FGF14: variants seen among roughly 807,000 people sequenced by gnomAD.
FGF14 encodes the protein fibroblast growth factor homologous factor 4.
Under a neutral mutation model 25.5 loss-of-function variants are expected in FGF14, and 5 were observed. That is an observed-to-expected ratio of 0.20 (90% CI 0.10 to 0.41). FGF14 has a LOEUF of 0.41. Ranked by LOEUF, FGF14 falls within the 10% of genes least tolerant of loss-of-function variation. The probability of loss-of-function intolerance (pLI) is 1.00; values close to 1 mark genes in which losing one functional copy is unlikely to be tolerated. For synonymous variants in FGF14, 138 were observed against 118.3 expected (o/e 1.17, Z -1.08); for missense variants, 222 against 320.1 (o/e 0.69, Z 2.34).
intron 1 of FGF14, among the ~76,000 whole-genome samples, chr13:102,042,407 C>A (rs2041786063): frequency 6.6e-6 from 1 of 152,192 alleles, no homozygotes; most frequent in South Asian, 2.1e-4. Flanking sequence ...CATTGTTCCT[C>A]AGTGACCTTG....
chr13:102,312,961 G>C (rs1482448448), intron 1 of FGF14, among the ~76,000 whole-genome samples: 1 of 152,166 alleles, frequency 6.6e-6, no homozygotes, highest in African/African-American at 2.4e-5. Context: ...GGGGTAGAGA[G>C]GAGACACAAC....
At chr13:102,161,684 A>G (rs1167760311) in intron 1 of FGF14, among the ~76,000 whole-genome samples, 14 of 102,972 alleles carry the variant, frequency 1.4e-4, no homozygotes, top group African/African-American at 2.8e-4. Context: ...AAGAAGAAGA[A>G]GAAGAAGAAG....
chr13:102,122,200 G>T (rs1265079242), intron 1 of FGF14, among the ~76,000 whole-genome samples: 1 of 152,114 alleles, frequency 6.6e-6, no homozygotes, highest in Non-Finnish European at 1.5e-5. Flanking sequence ...ATTCATTCAG[G>T]AATTTGCTAA....
rs999934506 is a variant in FGF14, at chr13:101,820,540, A to G, written c.408+48185T>C. ...TAAGAAGGAAAGTTAATTTGAATTA[A>G]AGCAATATCATGTTTCTCATATAAA... On this transcript the variant is annotated intron_variant, in intron 3 of 4. Coordinates refer to ENST00000376143, the MANE Select transcript of FGF14 (RefSeq NM_004115.4). Among the ~76,000 whole-genome samples, 37 of 136,760 alleles carry G rather than the reference A, an allele frequency of 2.7e-4. 1 individual carries two copies. Among genetic ancestry groups the G allele is most frequent in the African/African-American group, 9.1e-4 (36 of 39,508 alleles). 89.7% of individuals were successfully genotyped at this position (136,760 alleles called of 152,430 possible). A position where few individuals can be genotyped will look rare whatever the true frequency, so the allele number is the denominator to read the frequency against.
At chr13:102,026,112 C>A (rs553567357) in intron 1 of FGF14, among the ~76,000 whole-genome samples, 61 of 151,954 alleles carry the variant, frequency 4.0e-4, no homozygotes, top group African/African-American at 1.4e-3. Context: ...TATTGAAGTT[C>A]TCTTCTGTTC....
chr13:102,263,216 G>A (rs1353626146), intron 1 of FGF14: 12 of 524,740 alleles, frequency 2.3e-5, no homozygotes, highest in East Asian at 1.5e-4. Flanking sequence ...GGCGAGAAGC[G>A]CAGTCAAGCA....
intron 1 of FGF14, among the ~76,000 whole-genome samples, chr13:101,906,197 C>A (rs922133827): frequency 2.0e-5 from 3 of 152,122 alleles, no homozygotes; most frequent in Non-Finnish European, 4.4e-5. Context: ...CAAGTTTGGC[C>A]TCAGCATGAA....
chr13:101,946,363 C>CAAAAAAAAAAAAAAAAAA (rs59866034), intron 1 of FGF14, among the ~76,000 whole-genome samples: 5 of 91,950 alleles, frequency 5.4e-5, no homozygotes, highest in African/African-American at 1.8e-4. Flanking sequence ...GCTTCTCCAT[C>CAAAAAAAAAAAAAAAAAA]AAAAAAAAAA....
chr13:102,027,403 A>G (rs1355367483), intron 1 of FGF14, among the ~76,000 whole-genome samples: 1 of 151,908 alleles, frequency 6.6e-6, no homozygotes, highest in Non-Finnish European at 1.5e-5. Context: ...TGGAGATTAA[A>G]TGAGAAAGGG....
chr13:101,823,512 A>G (rs954244371), intron 3 of FGF14, among the ~76,000 whole-genome samples: 9 of 150,702 alleles, frequency 6.0e-5, no homozygotes, highest in African/African-American at 2.2e-4. Flanking sequence ...ATCTCGGCTC[A>G]CCACAACCAC....
chr13:102,149,225 TATAA>T (rs1158997941), intron 1 of FGF14, among the ~76,000 whole-genome samples: 1 of 151,926 alleles, frequency 6.6e-6, no homozygotes, highest in Non-Finnish European at 1.5e-5. Flanking sequence ...TTAAAATAAT[TATAA>T]ATAAATGTTT....
rs372099251 is a variant in FGF14 at position 102,093,295 on chromosome 13, A to G, written c.209-217999T>C. Among the ~76,000 whole-genome samples, 16 of 152,220 alleles carry G rather than the reference A, an allele frequency of 1.1e-4. No individual in the cohort carries two copies. In the East Asian group the frequency reaches 2.3e-3, roughly 22 times the overall value. On this transcript the variant is annotated intron_variant, in intron 1 of 4. Transcript: ENST00000376131. ...AAAATTTACACAAATCTATTGTAAA[A>G]AGGTAAATTGTATCAAAATTTATGT... is the stretch of plus-strand genomic sequence containing the variant.
At chr13:102,275,540 C>G (rs1214573695) in intron 1 of FGF14, among the ~76,000 whole-genome samples, 1 of 152,102 alleles carries the variant, frequency 6.6e-6, no homozygotes, top group Non-Finnish European at 1.5e-5. Context: ...TCCAAGTATT[C>G]AGCCATAAAG....
At chr13:102,028,649 G>A (rs1296662970) in intron 1 of FGF14, among the ~76,000 whole-genome samples, 2 of 151,988 alleles carry the variant, frequency 1.3e-5, no homozygotes, top group East Asian at 3.9e-4. Context: ...TATTGAGGAA[G>A]CCACTGAGAA....
At chr13:102,308,440 G>A (rs2055524132) in intron 1 of FGF14, among the ~76,000 whole-genome samples, 4 of 152,134 alleles carry the variant, frequency 2.6e-5, no homozygotes, top group Admixed American at 2.6e-4. Context: ...TAACTTTCAA[G>A]AGAAGTTAAA....
At chr13:101,939,774 A>T (rs1566466810) in intron 1 of FGF14, among the ~76,000 whole-genome samples, 1 of 152,222 alleles carries the variant, frequency 6.6e-6, no homozygotes, top group Non-Finnish European at 1.5e-5. Flanking sequence ...CATTCTTTGT[A>T]TTTAATCTAG....
rs542869225 is a variant in FGF14 at position 101,722,118 on chromosome 13, A to G, written c.*713T>C. 1 of 153,474 alleles carries G rather than the reference A, an allele frequency of 6.5e-6. No individual in the cohort carries two copies. The highest frequency in any genetic ancestry group is 6.5e-5 in the Admixed American group (1 of 15,468). The allele number at this position is 153,474 out of a possible 1,614,324, so 9.5% of individuals were successfully genotyped here. On this transcript the variant is annotated 3_prime_UTR_variant, in exon 5 of 5. Coordinates refer to ENST00000376143, the MANE Select transcript of FGF14 (RefSeq NM_004115.4). ...GTTTGAGCCATTTCCCACCCAGGCA[A>G]TGCCGACCTTGGGAGCACAGTATCT... is the stretch of plus-strand genomic sequence containing the variant.
intron 3 of FGF14, among the ~76,000 whole-genome samples, chr13:101,765,653 G>A (rs1214891738): frequency 6.6e-6 from 1 of 151,960 alleles, no homozygotes; most frequent in African/African-American, 2.4e-5. Flanking sequence ...CCACATAAGA[G>A]AATCAATATG....
At chr13:101,962,721 C>T (rs142822188) in intron 1 of FGF14, among the ~76,000 whole-genome samples, 30 of 152,256 alleles carry the variant, frequency 2.0e-4, no homozygotes, top group African/African-American at 7.2e-4. Context: ...GTGATAACTT[C>T]ATGACAGTTG....
Sources: allele counts gnomAD v4.1 joint callset (sites outside exome capture counted in the v4.1 genomes callset), GRCh38; gene constraint gnomAD v4.1.1; transcripts MANE v1.5; gene names NCBI Gene and HGNC (gene_info 2026-07-23, HGNC 2026-07-21).